CDH4: variants seen among roughly 807,000 people sequenced by gnomAD.
CDH4 encodes the protein cadherin-4.
A neutral mutation model predicts 86.0 loss-of-function variants in CDH4; 33 were observed. The observed-to-expected ratio is 0.38, with a 90% CI of 0.29 to 0.51. The LOEUF is 0.51. Among genes scored for constraint, CDH4 ranks in the 20% least tolerant of loss-of-function variants. The pLI is 0.86. For synonymous variants in CDH4, 555 were observed against 549.4 expected (o/e 1.01, Z -0.14); for missense variants, 1,114 against 1,307.4 (o/e 0.85, Z 2.28).
chr20:61,812,757 G>C (rs1386011306), intron 4 of CDH4, among the ~76,000 whole-genome samples: 1 of 152,180 alleles, frequency 6.6e-6, no homozygotes, highest in Non-Finnish European at 1.5e-5. Flanking sequence ...ATTTGCATTT[G>C]TACAAAATGC....
At chr20:61,530,955 T>G (rs942929642) in intron 2 of CDH4, among the ~76,000 whole-genome samples, 7 of 152,162 alleles carry the variant, frequency 4.6e-5, no homozygotes, top group African/African-American at 1.7e-4. Context: ...GGACAACTAA[T>G]ATCTATGCCA....
intron 3 of CDH4, among the ~76,000 whole-genome samples, chr20:61,747,930 A>G (rs2088437819): frequency 8.7e-6 from 1 of 114,298 alleles, no homozygotes; most frequent in Non-Finnish European, 1.7e-5. Context: ...AACTCTATGC[A>G]GGAGAAATAT....
At chr20:61,253,661 GAAGA>G (rs1216524349) in intron 1 of CDH4, among the ~76,000 whole-genome samples, 5 of 152,200 alleles carry the variant, frequency 3.3e-5, no homozygotes, top group African/African-American at 4.8e-5. Flanking sequence ...CGTGGCCGAT[GAAGA>G]AAGCCGCGGT....
At position 61,560,724 on chromosome 20, in the gene CDH4, C is replaced by A. The variant is rs139145067; in HGVS notation, c.170-182839C>A. 2.1e-3 allele frequency among the ~76,000 whole-genome samples: 320 copies of A among 152,380 alleles called. 5 individuals carry two copies. The highest frequency in any genetic ancestry group is 0.014 in the Admixed American group (213 of 15,314). ...AGCTTCCAGGAACGTGAGCCATCCC[C>A]AGGTCCTGGTGACCACCTCGCCATG... On this transcript the variant is annotated intron_variant, in intron 2 of 15. Transcript: ENST00000614565.
At chr20:61,437,548 A>G (rs1208987744) in intron 2 of CDH4, 1 of 152,198 alleles carries the variant, frequency 6.6e-6, no homozygotes. Flanking sequence ...AGTTGTAATC[A>G]GAGTTTCAGC....
In CDH4 at chr20:61,530,014, T is replaced by TTTTG. The variant is rs370583052; in HGVS notation, c.170-213531_170-213528dup. 2.3e-3 allele frequency among the ~76,000 whole-genome samples: 356 copies of TTTTG among 151,992 alleles called. 1 individual carries two copies. The East Asian group carries it at 0.034, about 14-fold the overall frequency. Reference sequence around the variant, plus strand: ...CACCATGCTTGGCTAATTTATTTGTTTTTGTTTGTTTGTTTGTTTGTGTGT... The same window carrying TTTTG: ...CACCATGCTTGGCTAATTTATTTGTTTTTGTTTGTTTGTTTGTTTGTTTGTGTGT... On this transcript the variant is annotated intron_variant, in intron 2 of 15. Transcript: ENST00000614565.
At position 61,663,865 on chromosome 20, in the gene CDH4, G is replaced by T. The variant is rs1031065847; in HGVS notation, c.170-79698G>T. 6.6e-6 allele frequency among the ~76,000 whole-genome samples: 1 copy of T among 152,126 alleles called. No homozygotes were observed. Among genetic ancestry groups the T allele is most frequent in the African/African-American group, 2.4e-5 (1 of 41,420 alleles). On this transcript the variant is annotated intron_variant, in intron 2 of 15. Transcript: ENST00000614565. This position sits in a 1 kb window ranked among gnomAD's most constrained non-coding sequence, Gnocchi z 5.0. ...TGGGTCTTCCAGCTCCCTCGAGGCCGCCCTGGCCCTCCACACTCCCACCGC... is the reference window on the plus strand; with the variant it reads ...TGGGTCTTCCAGCTCCCTCGAGGCCTCCCTGGCCCTCCACACTCCCACCGC...
chr20:61,688,932 T>C (rs2087620818), intron 2 of CDH4, among the ~76,000 whole-genome samples: 1 of 152,252 alleles, frequency 6.6e-6, no homozygotes, highest in Non-Finnish European at 1.5e-5. Flanking sequence ...TTCTCCTTTG[T>C]AGAAAGTGAA....
intron 2 of CDH4, among the ~76,000 whole-genome samples, chr20:61,565,197 TGGTGGTCGC>T: frequency 2.0e-5 from 1 of 50,248 alleles, no homozygotes; most frequent in African/African-American, 8.4e-5. Context: ...GTCCTCTTGG[TGGTGGTCGC>T]GGTGCTCTCG....
intron 2 of CDH4, among the ~76,000 whole-genome samples, chr20:61,715,012 A>G (rs1036493575): frequency 6.6e-6 from 1 of 152,174 alleles, no homozygotes; most frequent in African/African-American, 2.4e-5. Flanking sequence ...GGTTGTATTA[A>G]TTTACATTCC....
intron 2 of CDH4, among the ~76,000 whole-genome samples, chr20:61,386,315 G>A (rs757209731): frequency 1.3e-5 from 2 of 152,126 alleles, no homozygotes; most frequent in Non-Finnish European, 2.9e-5. Flanking sequence ...TGCTGACAGT[G>A]CTGCCCAGGA....
chr20:61,542,483 G>C (rs1245447117), intron 2 of CDH4, among the ~76,000 whole-genome samples: 1 of 152,156 alleles, frequency 6.6e-6, no homozygotes, highest in African/African-American at 2.4e-5. Flanking sequence ...TCTGCAATGG[G>C]TACAACTCTT....
chr20:61,565,208 GTGCTCTCGGTGGT>G (rs2086267101), intron 2 of CDH4, among the ~76,000 whole-genome samples: 1 of 36,708 alleles, frequency 2.7e-5, no homozygotes, highest in African/African-American at 1.2e-4. Context: ...GGTGGTCGCG[GTGCTCTCGGTGGT>G]AGGTGGTGGT....
At chr20:61,565,289 A>ATGGTGGTGGTGGTCCTCTTGG (rs1464570420) in intron 2 of CDH4, among the ~76,000 whole-genome samples, 3 of 18,610 alleles carry the variant, frequency 1.6e-4, no homozygotes, top group Non-Finnish European at 2.8e-4. Flanking sequence ...TGATGGGGTG[A>ATGGTGGTGGTGGTCCTCTTGG]TGGTGGTGGC....
chr20:61,429,328 A>G (rs969159129), intron 2 of CDH4, among the ~76,000 whole-genome samples: 1 of 152,212 alleles, frequency 6.6e-6, no homozygotes, highest in Non-Finnish European at 1.5e-5. Flanking sequence ...TCCCACATTC[A>G]GCAGGCAGCC....
intron 2 of CDH4, among the ~76,000 whole-genome samples, chr20:61,489,308 G>A (rs1352329493): frequency 5.9e-5 from 9 of 152,166 alleles, no homozygotes; most frequent in Non-Finnish European, 1.2e-4. Flanking sequence ...GACTATTATT[G>A]AACAAATGTA....
chr20:61,509,441 T>C (rs2085764151), intron 2 of CDH4, among the ~76,000 whole-genome samples: 1 of 149,692 alleles, frequency 6.7e-6, no homozygotes, highest in African/African-American at 2.5e-5. Context: ...TGCCACTTGC[T>C]TTGTCGAGGG....
At chr20:61,819,881 G>C (rs960441327) in intron 4 of CDH4, among the ~76,000 whole-genome samples, 7 of 152,194 alleles carry the variant, frequency 4.6e-5, no homozygotes, top group Non-Finnish European at 1.0e-4. Flanking sequence ...CTGGTCCTCA[G>C]GTACCAGACC....
intron 2 of CDH4, among the ~76,000 whole-genome samples, chr20:61,704,300 C>T (rs547456032): frequency 6.6e-6 from 1 of 152,258 alleles, no homozygotes; most frequent in South Asian, 2.1e-4. Flanking sequence ...ACTGCCTCCC[C>T]ACTCTGACAT....
Sources: allele counts gnomAD v4.1 joint callset (sites outside exome capture counted in the v4.1 genomes callset), GRCh38; gene constraint gnomAD v4.1.1; non-coding constraint Gnocchi (gnomAD v3.1); transcripts MANE v1.5; gene names NCBI Gene and HGNC (gene_info 2026-07-23, HGNC 2026-07-21).